The following HS3ST5 variants were observed in gnomAD, a reference collection of about 807,000 sequenced individuals.
HS3ST5 encodes the protein heparan sulfate glucosamine 3-O-sulfotransferase 5.
HS3ST5 carries 10 observed loss-of-function variants against 25.4 expected under a neutral mutation model. That is an observed-to-expected ratio of 0.39 (90% CI 0.24 to 0.67). The LOEUF (loss-of-function observed/expected upper bound fraction) is 0.67. Ranked by LOEUF, HS3ST5 falls within the 30% of genes least tolerant of loss-of-function variation. The probability of loss-of-function intolerance (pLI) is 0.44; values close to 1 mark genes in which losing one functional copy is unlikely to be tolerated. For missense variants in HS3ST5, 324 were observed against 420.7 expected (o/e 0.77, Z 2.01); for synonymous variants, 170 against 162.4 (o/e 1.05, Z -0.36).
At chr6:114,070,966 C>T (rs1235396823) in intron 3 of HS3ST5, among the ~76,000 whole-genome samples, 3 of 152,192 alleles carry the variant, frequency 2.0e-5, no homozygotes, top group African/African-American at 7.2e-5. Flanking sequence ...CCAGAGTAAT[C>T]TTTCCCAGTG....
At chr6:114,206,911 A>G (rs1286050436) in intron 2 of HS3ST5, among the ~76,000 whole-genome samples, 1 of 152,230 alleles carries the variant, frequency 6.6e-6, no homozygotes, top group Non-Finnish European at 1.5e-5. Flanking sequence ...AGGGAACAGA[A>G]GGGACATTGT....
At chr6:114,169,203 G>A (rs1779355722) in intron 2 of HS3ST5, among the ~76,000 whole-genome samples, 1 of 151,940 alleles carries the variant, frequency 6.6e-6, no homozygotes, top group East Asian at 1.9e-4. Flanking sequence ...ATATTCAATT[G>A]CAGTTGACAA....
intron 1 of HS3ST5, among the ~76,000 whole-genome samples, chr6:114,287,383 T>C (rs550170819): frequency 4.5e-4 from 68 of 151,840 alleles, no homozygotes; most frequent in Non-Finnish European, 8.5e-4. Flanking sequence ...CTCCAGTAAG[T>C]GGAAAAACTG....
intron 1 of HS3ST5, among the ~76,000 whole-genome samples, chr6:114,261,381 G>A (rs1283751799): frequency 6.6e-6 from 1 of 152,186 alleles, no homozygotes; most frequent in Non-Finnish European, 1.5e-5. Context: ...AAGAGACTAA[G>A]AATCTCTTGT....
At chr6:114,336,285 G>T (rs960712504) in intron 1 of HS3ST5, among the ~76,000 whole-genome samples, 1 of 152,140 alleles carries the variant, frequency 6.6e-6, no homozygotes, top group Non-Finnish European at 1.5e-5. Flanking sequence ...CAATGAAGTG[G>T]TATTTCCATT....
chr6:114,294,591 G>A (rs1161386782), intron 1 of HS3ST5, among the ~76,000 whole-genome samples: 2 of 151,842 alleles, frequency 1.3e-5, no homozygotes, highest in African/African-American at 2.4e-5. Flanking sequence ...GACTACAGGC[G>A]CCCGCCACTG....
intron 3 of HS3ST5, among the ~76,000 whole-genome samples, chr6:114,130,253 C>G (rs917474605): frequency 6.6e-5 from 10 of 152,206 alleles, no homozygotes; most frequent in Non-Finnish European, 1.2e-4. Context: ...TCAAGCACCA[C>G]ATATATAGCA....
intron 1 of HS3ST5, among the ~76,000 whole-genome samples, chr6:114,295,121 G>A (rs1213752423): frequency 6.6e-6 from 1 of 152,050 alleles, no homozygotes; most frequent in Non-Finnish European, 1.5e-5. Flanking sequence ...GAGAGAGTGT[G>A]TGCCTACATT....
In HS3ST5 at chr6:114,271,471, A is replaced by G. The variant is rs116207142; in HGVS notation, c.-338-42693T>C. Reference sequence around the variant, plus strand: ...ATCTAGCCCTGGATGAACAGAAATTATATTTCTAATAAATTAGAAATATAA... The same window carrying G: ...ATCTAGCCCTGGATGAACAGAAATTGTATTTCTAATAAATTAGAAATATAA... On this transcript the variant is annotated intron_variant, in intron 1 of 4. Transcript: ENST00000312719. Among the ~76,000 whole-genome samples, 1,020 of 152,188 alleles carry G rather than the reference A, an allele frequency of 6.7e-3. 11 individuals are homozygous for G. The highest frequency in any genetic ancestry group is 0.023 in the African/African-American group (959 of 41,574).
At chr6:114,246,421 AG>A (rs1283394220) in intron 1 of HS3ST5, among the ~76,000 whole-genome samples, 2 of 152,232 alleles carry the variant, frequency 1.3e-5, no homozygotes, top group African/African-American at 4.8e-5. Flanking sequence ...TAATCCATCA[AG>A]CACTATACAT....
chr6:114,067,525 A>G (rs1773525020), intron 3 of HS3ST5, among the ~76,000 whole-genome samples: 1 of 152,168 alleles, frequency 6.6e-6, no homozygotes, highest in Non-Finnish European at 1.5e-5. Context: ...CTCTCGCTTT[A>G]TGATAAACCC....
At position 114,282,412 on chromosome 6, in the gene HS3ST5, G is replaced by A. The variant is rs574982690; in HGVS notation, c.-338-53634C>T. On this transcript the variant is annotated intron_variant, in intron 1 of 4. Coordinates refer to ENST00000312719, the MANE Select transcript of HS3ST5 (RefSeq NM_153612.4). ...AGAATTGACTTTATAATTGGAGAACGCCAAAATAAACCTAACACTTCTCAA... is the reference window on the plus strand; with the variant it reads ...AGAATTGACTTTATAATTGGAGAACACCAAAATAAACCTAACACTTCTCAA... 3.3e-5 allele frequency among the ~76,000 whole-genome samples: 5 copies of A among 151,934 alleles called. No individual in the cohort carries two copies. In the South Asian group the frequency reaches 1.0e-3, roughly 32 times the overall value.
chr6:114,210,196 A>G (rs1781451054), intron 2 of HS3ST5, among the ~76,000 whole-genome samples: 1 of 152,222 alleles, frequency 6.6e-6, no homozygotes, highest in South Asian at 2.1e-4. Flanking sequence ...AAAATTCCAT[A>G]TGAGCAGTAG....
At chr6:114,213,933 C>G (rs1408825335) in intron 2 of HS3ST5, among the ~76,000 whole-genome samples, 1 of 152,164 alleles carries the variant, frequency 6.6e-6, no homozygotes, top group African/African-American at 2.4e-5. Context: ...AGTTCTTCCT[C>G]AAGGCCTACA....
chr6:114,226,522 C>T (rs1771297054), intron 2 of HS3ST5, among the ~76,000 whole-genome samples: 1 of 151,886 alleles, frequency 6.6e-6, no homozygotes, highest in Non-Finnish European at 1.5e-5. Flanking sequence ...TTGTTGTTTA[C>T]TACTCATTGT....
chr6:114,224,483 A>T (rs1782193989), intron 2 of HS3ST5, among the ~76,000 whole-genome samples: 1 of 151,318 alleles, frequency 6.6e-6, no homozygotes, highest in Non-Finnish European at 1.5e-5. Context: ...TTTTCCTATT[A>T]TGTGTGAGAG....
chr6:114,242,165 A>T (rs1772158304), intron 1 of HS3ST5, among the ~76,000 whole-genome samples: 1 of 152,190 alleles, frequency 6.6e-6, no homozygotes, highest in Non-Finnish European at 1.5e-5. Flanking sequence ...GTTGGATCTG[A>T]TTGAATTTTT....
intron 2 of HS3ST5, among the ~76,000 whole-genome samples, chr6:114,188,583 T>G (rs2114282147): frequency 6.8e-6 from 1 of 147,262 alleles, no homozygotes; most frequent in African/African-American, 2.4e-5. Flanking sequence ...ACTTAAATTC[T>G]TCTAGCTGAA....
At chr6:114,340,487 A>G (rs1562281042) in intron 1 of HS3ST5, 5 of 152,208 alleles carry the variant, frequency 3.3e-5, no homozygotes, top group Admixed American at 3.3e-4. Flanking sequence ...TCCCATTGCT[A>G]TGTGTCTTGT....
Sources: allele counts gnomAD v4.1 joint callset (sites outside exome capture counted in the v4.1 genomes callset), GRCh38; gene constraint gnomAD v4.1.1; transcripts MANE v1.5; gene names NCBI Gene and HGNC (gene_info 2026-07-23, HGNC 2026-07-21).